The following CYTH3 variants were observed in gnomAD, a reference collection of about 807,000 sequenced individuals.
The protein encoded by CYTH3 is cytohesin 3.
Under a neutral mutation model 55.1 loss-of-function variants are expected in CYTH3, and 23 were observed. The ratio of observed to expected loss-of-function variants is 0.42; its 90% CI spans 0.30 to 0.59. The LOEUF is 0.59. CYTH3 is among the 20% of genes least tolerant of loss of function. The pLI is 0.20. For synonymous variants in CYTH3, 249 were observed against 194.9 expected (o/e 1.28, Z -2.31); for missense variants, 413 against 524.8 (o/e 0.79, Z 2.08).
chr7:6,227,044 C>A (rs1027502202), intron 1 of CYTH3, among the ~76,000 whole-genome samples: 11 of 149,062 alleles, frequency 7.4e-5, no homozygotes, highest in Admixed American at 6.7e-4. Context: ...CGCGCCACTG[C>A]ACTCCAGCCT....
At chr7:6,231,853 G>A (rs1249191731) in intron 1 of CYTH3, among the ~76,000 whole-genome samples, 5 of 152,108 alleles carry the variant, frequency 3.3e-5, no homozygotes, top group Admixed American at 1.3e-4. Context: ...TAAAGGCATC[G>A]GGACCCGGGC....
intron 1 of CYTH3, among the ~76,000 whole-genome samples, chr7:6,260,613 T>G (rs949483504): frequency 6.6e-6 from 1 of 152,162 alleles, no homozygotes; most frequent in African/African-American, 2.4e-5. Context: ...CCAAGTCCAG[T>G]AGACATGTCC....
At chr7:6,271,186 G>A (rs1038041817) in intron 1 of CYTH3, among the ~76,000 whole-genome samples, 4 of 152,068 alleles carry the variant, frequency 2.6e-5, no homozygotes, top group African/African-American at 9.7e-5. Flanking sequence ...GTGCCACAGT[G>A]CTACCCCTAG....
intron 1 of CYTH3, among the ~76,000 whole-genome samples, chr7:6,233,741 C>A (rs1779445485): frequency 6.6e-6 from 1 of 152,080 alleles, no homozygotes; most frequent in Admixed American, 6.6e-5. Context: ...TACCACCAGT[C>A]CCATCTTTCT....
intron 6 of CYTH3, chr7:6,172,992 G>T: frequency 9.1e-7 from 1 of 1,094,320 alleles, no homozygotes; most frequent in South Asian, 2.0e-5. Flanking sequence ...ACGAGGTGCG[G>T]CCTGATTTTC....
chr7:6,246,257 C>G (rs1288854407), intron 1 of CYTH3, among the ~76,000 whole-genome samples: 2 of 150,014 alleles, frequency 1.3e-5, no homozygotes, highest in African/African-American at 4.9e-5. Context: ...TTAAAAGAGA[C>G]AGGGGTCTCA....
chr7:6,219,666 C>G (rs1197208241), intron 1 of CYTH3, among the ~76,000 whole-genome samples: 1 of 152,102 alleles, frequency 6.6e-6, no homozygotes, highest in Non-Finnish European at 1.5e-5. Context: ...GCCCTCTTGT[C>G]CCCTGTGAAA....
chr7:6,226,830 T>C (rs536520943), intron 1 of CYTH3, among the ~76,000 whole-genome samples: 115 of 152,038 alleles, frequency 7.6e-4, no homozygotes, highest in Middle Eastern at 3.4e-3. Flanking sequence ...CCTGTAATCC[T>C]AGCACTTTGG....
At chr7:6,210,844 A>G (rs1235666360) in intron 1 of CYTH3, among the ~76,000 whole-genome samples, 1 of 152,196 alleles carries the variant, frequency 6.6e-6, no homozygotes, top group Non-Finnish European at 1.5e-5. Context: ...GCCTTCACTG[A>G]TAAGAGTTGT....
intron 5 of CYTH3, among the ~76,000 whole-genome samples, chr7:6,174,045 G>T (rs891584372): frequency 6.6e-6 from 1 of 151,778 alleles, no homozygotes; most frequent in Non-Finnish European, 1.5e-5. Flanking sequence ...TGGAATTACT[G>T]GGTTCCATGT....
chr7:6,237,134 G>A (rs956170632), intron 1 of CYTH3, among the ~76,000 whole-genome samples: 2 of 152,174 alleles, frequency 1.3e-5, no homozygotes, highest in Admixed American at 6.5e-5. Context: ...CTCCCGCCTC[G>A]GCAGGCGTTG....
chr7:6,170,258 G>T lies in CYTH3; in HGVS notation c.823+277C>A. On this transcript the variant is annotated intron_variant, in intron 9 of 12. Coordinates refer to ENST00000350796, the MANE Select transcript of CYTH3 (RefSeq NM_004227.4). This position sits in a 1 kb window ranked among gnomAD's most constrained non-coding sequence, Gnocchi z 7.8. The stretch of plus-strand genomic sequence containing the variant: ...GCGCTTGCTTCTCGTGCAGGAAGCT[G>T]CCCTGGCTGGATCTGGATGCTAACT... The T allele has an allele frequency of 2.2e-6, 1 of 459,490 alleles. No homozygotes were observed. The highest frequency in any genetic ancestry group is 3.9e-6 in the Non-Finnish European group (1 of 258,998). The allele number at this position is 459,490 out of a possible 1,614,324, so 28.5% of individuals were successfully genotyped here.
chr7:6,174,811 T>C (rs1010048780), intron 5 of CYTH3, among the ~76,000 whole-genome samples: 11 of 152,202 alleles, frequency 7.2e-5, no homozygotes, highest in Non-Finnish European at 1.3e-4. Flanking sequence ...CCTCCCAAAG[T>C]GCTGGGATTA....
At chr7:6,187,765 C>G (rs1312019136) in intron 2 of CYTH3, 44 bp from the exon 3 acceptor site, 2 of 1,525,182 alleles carry the variant, frequency 1.3e-6, no homozygotes, top group East Asian at 2.3e-5. Context: ...GGGTCTTAAC[C>G]TTCCTCCCCT....
At chr7:6,251,016 C>A (rs753621855) in intron 1 of CYTH3, among the ~76,000 whole-genome samples, 1 of 152,182 alleles carries the variant, frequency 6.6e-6, no homozygotes, top group African/African-American at 2.4e-5. Context: ...CAGTGGCTCA[C>A]GCCTGTAATC....
At chr7:6,223,836 T>TAAAAAAAAAA (rs58813864) in intron 1 of CYTH3, among the ~76,000 whole-genome samples, 5 of 24,312 alleles carry the variant, frequency 2.1e-4, no homozygotes, top group Non-Finnish European at 2.7e-4. Flanking sequence ...CAATAAATAC[T>TAAAAAAAAAA]AAAAAAAAAA....
chr7:6,268,461 C>T (rs1480514469), intron 1 of CYTH3, among the ~76,000 whole-genome samples: 1 of 152,208 alleles, frequency 6.6e-6, no homozygotes, highest in Non-Finnish European at 1.5e-5. Context: ...AGAGCCGCCG[C>T]GCCCGGCCTG....
chr7:6,209,052 T>G (rs1339888893), intron 1 of CYTH3, among the ~76,000 whole-genome samples: 13 of 152,214 alleles, frequency 8.5e-5, no homozygotes, highest in Admixed American at 8.5e-4. Flanking sequence ...CAGCACTGAA[T>G]AGATAAGTCC....
At chr7:6,198,792 C>T (rs1783997032) in intron 1 of CYTH3, among the ~76,000 whole-genome samples, 2 of 149,776 alleles carry the variant, frequency 1.3e-5, no homozygotes, top group Non-Finnish European at 3.0e-5. Context: ...AAAAAAAGGG[C>T]AGGTTAACTG....
Sources: allele counts gnomAD v4.1 joint callset (sites outside exome capture counted in the v4.1 genomes callset), GRCh38; gene constraint gnomAD v4.1.1; non-coding constraint Gnocchi (gnomAD v3.1); transcripts MANE v1.5; gene names NCBI Gene and HGNC (gene_info 2026-07-23, HGNC 2026-07-21).